Variants in KIAA0825 observed in about 807,000 individuals in gnomAD.
KIAA0825 encodes the protein KIAA0825.
In KIAA0825, 119 loss-of-function variants were observed where a neutral mutation model predicts 147.6. The observed-to-expected ratio is 0.81, with a 90% CI of 0.69 to 0.94. The LOEUF is 0.94. KIAA0825 is among the 40% of genes least tolerant of loss of function. The probability of loss-of-function intolerance (pLI) is 0.00; values close to 1 mark genes in which losing one functional copy is unlikely to be tolerated. For synonymous variants in KIAA0825, 470 were observed against 518.1 expected, an observed-to-expected ratio of 0.91 and a Z score of 1.26; for missense variants, 1,381 against 1,472.7, an observed-to-expected ratio of 0.94 and a Z score of 1.02.
chr5:94,500,301 AAAGAC>A (rs1271841625), intron 5 of KIAA0825, among the ~76,000 whole-genome samples: 1 of 152,218 alleles, frequency 6.6e-6, no homozygotes, highest in Non-Finnish European at 1.5e-5. Flanking sequence ...AAACCAATGA[AAAGAC>A]AAGACAAAAG....
At chr5:94,177,653 G>A (rs148564718) in intron 20 of KIAA0825, among the ~76,000 whole-genome samples, 139 of 152,216 alleles carry the variant, frequency 9.1e-4, no homozygotes, top group African/African-American at 3.2e-3. Flanking sequence ...CCTTAATGCT[G>A]CCTGTGGTTG....
At chr5:94,375,036 T>C (rs1414203076) in intron 20 of KIAA0825, among the ~76,000 whole-genome samples, 48 of 147,030 alleles carry the variant, frequency 3.3e-4, no homozygotes, top group African/African-American at 8.6e-4. Context: ...TCCTTCTCTT[T>C]TTTTTTTTTT....
intron 10 of KIAA0825, among the ~76,000 whole-genome samples, chr5:94,467,392 C>A (rs1441834454): frequency 6.6e-6 from 1 of 152,142 alleles, no homozygotes; most frequent in African/African-American, 2.4e-5. Context: ...GATTATATAT[C>A]AGGAAACAAG....
At chr5:94,230,901 G>A (rs563370762) in intron 20 of KIAA0825, among the ~76,000 whole-genome samples, 6 of 152,184 alleles carry the variant, frequency 3.9e-5, no homozygotes, top group Admixed American at 2.0e-4. Flanking sequence ...TACTCTTTCT[G>A]GGATTAGTTT....
At chr5:94,419,272 CA>C (rs1562479273) in intron 14 of KIAA0825, among the ~76,000 whole-genome samples, 1 of 152,150 alleles carries the variant, frequency 6.6e-6, no homozygotes, top group African/African-American at 2.4e-5. Flanking sequence ...TATAAAATGG[CA>C]AATATTCCTA....
chr5:94,429,372 C>T (rs1755339467), intron 14 of KIAA0825, among the ~76,000 whole-genome samples: 2 of 148,890 alleles, frequency 1.3e-5, no homozygotes, highest in South Asian at 4.3e-4. Flanking sequence ...CTTTTTCTTT[C>T]CTAGAATGTT....
In KIAA0825 at chr5:94,534,012, A is replaced by C. The variant is rs1391758210; in HGVS notation, c.131+2984T>G. Among the ~76,000 whole-genome samples, 4 of 152,208 alleles carry C rather than the reference A, an allele frequency of 2.6e-5. 1 individual carries two copies. Among genetic ancestry groups the C allele is most frequent in the Non-Finnish European group, 4.4e-5 (3 of 68,038 alleles). ...ATTAAGAAGAGAGAAGGAATTCATA[A>C]ATAGATGTCAGGGTCACTGCTACTT... On this transcript the variant is annotated intron_variant, in intron 3 of 20. Transcript: ENST00000682413.
At chr5:94,392,469 G>T (rs1450743567) in intron 17 of KIAA0825, among the ~76,000 whole-genome samples, 3 of 152,158 alleles carry the variant, frequency 2.0e-5, no homozygotes, top group Non-Finnish European at 4.4e-5. Flanking sequence ...ATGACAAAAA[G>T]AATTTAAACA....
chr5:94,163,276 CA>C (rs748712813), intron 20 of KIAA0825, among the ~76,000 whole-genome samples: 123 of 152,272 alleles, frequency 8.1e-4, no homozygotes, highest in Non-Finnish European at 1.5e-3. Context: ...GGTCACATAT[CA>C]CACTGGAATG....
chr5:94,576,039 T>G lies in KIAA0825; in HGVS notation c.-2+6394A>C, dbSNP rs529181692. Among the ~76,000 whole-genome samples, 142 of 152,154 alleles carry G rather than the reference T, an allele frequency of 9.3e-4. 1 individual carries two copies. Among genetic ancestry groups the G allele is most frequent in the South Asian group, 8.1e-3 (39 of 4,814 alleles). On this transcript the variant is annotated intron_variant, in intron 2 of 20. Coordinates refer to ENST00000682413, the MANE Select transcript of KIAA0825 (RefSeq NM_001145678.3). ...TAGTGTTAGACATAATGATTTTGAGTAGGCCGTACAAGTGGAAATGTTCAG... is the reference window on the plus strand; with the variant it reads ...TAGTGTTAGACATAATGATTTTGAGGAGGCCGTACAAGTGGAAATGTTCAG...
chr5:94,170,318 A>G (rs1178678116), intron 20 of KIAA0825, among the ~76,000 whole-genome samples: 1 of 152,094 alleles, frequency 6.6e-6, no homozygotes, highest in Non-Finnish European at 1.5e-5. Context: ...AAACAAAACA[A>G]AACAAAACAA....
rs1353011322 is a variant in KIAA0825, at chr5:94,306,705, A to C, written c.3710+77663T>G. 4.6e-5 allele frequency among the ~76,000 whole-genome samples: 7 copies of C among 151,844 alleles called. No individual in the cohort carries two copies. In the South Asian group the frequency reaches 1.2e-3, roughly 27 times the overall value. On this transcript the variant is annotated intron_variant, in intron 20 of 20. Coordinates refer to ENST00000682413, the MANE Select transcript of KIAA0825 (RefSeq NM_001145678.3). ...TAGAGATATTAGAGGGAAATTATCA[A>C]AGATATCATTAACAATACTGATTGA...
intron 20 of KIAA0825, among the ~76,000 whole-genome samples, chr5:94,213,116 G>A (rs929908825): frequency 6.6e-6 from 1 of 152,054 alleles, no homozygotes; most frequent in African/African-American, 2.4e-5. Flanking sequence ...ACTTAGGATT[G>A]TAACCCCTGT....
chr5:94,168,295 A>G (rs1768253635), intron 20 of KIAA0825, among the ~76,000 whole-genome samples: 1 of 152,248 alleles, frequency 6.6e-6, no homozygotes, highest in Middle Eastern at 3.4e-3. Context: ...AAGGTTGTTG[A>G]TTTCTTGAGC....
chr5:94,439,872 A>G, intron 14 of KIAA0825, 110 bp downstream of exon 14: 2 of 1,112,194 alleles, frequency 1.8e-6, no homozygotes, highest in Non-Finnish European at 2.5e-6. Context: ...ATGTTGATAC[A>G]TGCTATTGGT....
At chr5:94,247,334 C>G (rs987430132) in intron 20 of KIAA0825, among the ~76,000 whole-genome samples, 1 of 152,052 alleles carries the variant, frequency 6.6e-6, no homozygotes, top group Admixed American at 6.6e-5. Context: ...TTAAACAAGC[C>G]CATTGTAGAC....
At chr5:94,565,516 A>G (rs979160279) in intron 2 of KIAA0825, among the ~76,000 whole-genome samples, 2 of 150,852 alleles carry the variant, frequency 1.3e-5, no homozygotes, top group Admixed American at 1.3e-4. Flanking sequence ...TAATTTTTGT[A>G]TTTTTACAAG....
intron 20 of KIAA0825, among the ~76,000 whole-genome samples, chr5:94,356,359 G>A (rs1584235891): frequency 6.6e-6 from 1 of 151,850 alleles, no homozygotes; most frequent in African/African-American, 2.4e-5. Flanking sequence ...TGTAATCCCA[G>A]CACTTTGGGA....
At chr5:94,334,634 C>G (rs1035019445) in intron 20 of KIAA0825, among the ~76,000 whole-genome samples, 5 of 152,144 alleles carry the variant, frequency 3.3e-5, no homozygotes, top group African/African-American at 1.2e-4. Context: ...AGGCATGGGC[C>G]ACCATGCCCA....
Sources: gnomAD v4.1 joint callset for allele counts (sites outside exome capture counted in the v4.1 genomes callset) on GRCh38, gnomAD v4.1.1 for gene constraint, MANE v1.5 for transcripts, NCBI Gene and HGNC (gene_info 2026-07-23, HGNC 2026-07-21) for gene names.